The following LGR5 variants were observed in gnomAD, a reference collection of about 807,000 sequenced individuals.
LGR5 encodes the protein leucine-rich repeat-containing G protein-coupled receptor 5.
In LGR5, 54 loss-of-function variants were observed where a neutral mutation model predicts 76.7. The ratio of observed to expected loss-of-function variants is 0.70; its 90% CI spans 0.57 to 0.88. The LOEUF (loss-of-function observed/expected upper bound fraction) is 0.88. Among genes scored for constraint, LGR5 ranks in the 40% least tolerant of loss-of-function variants. The pLI, the probability that LGR5 is intolerant of heterozygous loss-of-function variation, is 0.00. For missense variants in LGR5, 1,078 were observed against 1,073.3 expected (o/e 1.00, Z -0.06); for synonymous variants, 406 against 421.9 (o/e 0.96, Z 0.46).
chr12:71,551,387 C>A, intron 4 of LGR5, among the ~76,000 whole-genome samples: 1 of 152,210 alleles, frequency 6.6e-6, no homozygotes, highest in East Asian at 1.9e-4. Context: ...TCCTGGTGTG[C>A]TTCCTGCATC....
chr12:71,504,624 A>G lies in LGR5; in HGVS notation c.223A>G (p.Met75Val), dbSNP rs764346723. The change falls in exon 2 of 18, where the codon ATG becomes GTG. Residue 75 changes from methionine (M) to valine (V), a missense_variant. Physicochemically the swap from Met to Val is conservative, Grantham distance 21. Coordinates refer to ENST00000266674, the MANE Select transcript of LGR5 (RefSeq NM_003667.4). ...SVFTSYLDLS[M>V]NNISQLLPNP... ...TGTTTTCCCCCCCAGAGACCTCAGT[A>G]TGAACAACATCAGTCAGCTGCTCCC... 64 of 1,614,018 alleles carry G rather than the reference A, an allele frequency of 4.0e-5. 2 individuals are homozygous for G. The South Asian group carries it at 6.7e-4, about 17-fold the overall frequency.
At chr12:71,455,582 C>A (rs188464314) in intron 1 of LGR5, among the ~76,000 whole-genome samples, 1 of 152,288 alleles carries the variant, frequency 6.6e-6, no homozygotes, top group Non-Finnish European at 1.5e-5. Flanking sequence ...ATTAAATCAA[C>A]AAGCAGACCT....
intron 2 of LGR5, among the ~76,000 whole-genome samples, chr12:71,511,180 C>T (rs139091426): frequency 3.0e-3 from 452 of 152,250 alleles, no homozygotes; most frequent in Non-Finnish European, 4.4e-3. Flanking sequence ...GGTGTCTGGG[C>T]GAGAAACTCA....
chr12:71,571,714 G>A, intron 12 of LGR5, 135 bp downstream of exon 12: 2 of 637,258 alleles, frequency 3.1e-6, no homozygotes, highest in Non-Finnish European at 5.5e-6. Context: ...CACACAAGGT[G>A]TGACTGTGCA....
At chr12:71,567,475 A>C (rs1592553657) in intron 11 of LGR5, among the ~76,000 whole-genome samples, 1 of 152,000 alleles carries the variant, frequency 6.6e-6, no homozygotes, top group Non-Finnish European at 1.5e-5. Context: ...ATTCAAGGAG[A>C]CTTGTTTTGA....
intron 1 of LGR5, among the ~76,000 whole-genome samples, chr12:71,479,410 G>T (rs962910967): frequency 2.0e-5 from 3 of 152,286 alleles, no homozygotes; most frequent in Non-Finnish European, 4.4e-5. Context: ...CAATCAACTG[G>T]AGTATTTACT....
chr12:71,547,341 A>G (rs1269196292), intron 4 of LGR5, among the ~76,000 whole-genome samples: 1 of 152,184 alleles, frequency 6.6e-6, no homozygotes, highest in African/African-American at 2.4e-5. Flanking sequence ...AGATTAAAGA[A>G]TGTATGGTAA....
At chr12:71,552,542 G>A (rs1255935660) in intron 4 of LGR5, among the ~76,000 whole-genome samples, 1 of 149,992 alleles carries the variant, frequency 6.7e-6, no homozygotes, top group African/African-American at 2.5e-5. Context: ...TCCAGCCTGG[G>A]CGACAAGAGC....
chr12:71,566,540 A>G, intron 9 of LGR5, 65 bp downstream of exon 9: 3 of 1,527,498 alleles, frequency 2.0e-6, no homozygotes, highest in Non-Finnish European at 2.7e-6. Context: ...AACCAAATGA[A>G]TATTATAGGT....
intron 11 of LGR5, among the ~76,000 whole-genome samples, chr12:71,568,681 C>T (rs560432908): frequency 6.6e-6 from 1 of 152,302 alleles, no homozygotes; most frequent in East Asian, 1.9e-4. Flanking sequence ...GCTAGTGTAT[C>T]AACCAAGTAG....
intron 3 of LGR5, among the ~76,000 whole-genome samples, chr12:71,531,016 G>C (rs1053050555): frequency 2.8e-5 from 4 of 144,300 alleles, no homozygotes; most frequent in African/African-American, 1.0e-4. Context: ...AAAAAAAAGT[G>C]GGGGAGGGAC....
chr12:71,508,895 G>A (rs368928520), intron 2 of LGR5, among the ~76,000 whole-genome samples: 598 of 151,664 alleles, frequency 3.9e-3, no homozygotes, highest in Non-Finnish European at 7.4e-3. Flanking sequence ...TACCTATGCC[G>A]CAAGTTTTTG....
At chr12:71,551,193 G>A (rs1214344800) in intron 4 of LGR5, among the ~76,000 whole-genome samples, 1 of 152,178 alleles carries the variant, frequency 6.6e-6, no homozygotes, top group African/African-American at 2.4e-5. Context: ...GTGGCCCAAG[G>A]AGGGCCTTTG....
chr12:71,440,678 C>T lies in LGR5; in HGVS notation c.212+386C>T, dbSNP rs1871724249. Among the ~76,000 whole-genome samples, 1 of 152,180 alleles carries T rather than the reference C, an allele frequency of 6.6e-6. No individual in the cohort carries two copies. ...TGCCATCTGGTCCCCGCCCCAACCGCCTCTCTGCGTCTAGTCGCATTCCAC... is the reference window on the plus strand; with the variant it reads ...TGCCATCTGGTCCCCGCCCCAACCGTCTCTCTGCGTCTAGTCGCATTCCAC... On this transcript the variant is annotated intron_variant, in intron 1 of 17. Coordinates refer to ENST00000266674, the MANE Select transcript of LGR5 (RefSeq NM_003667.4). This position sits in a 1 kb window ranked among gnomAD's most constrained non-coding sequence, Gnocchi z 5.3.
At chr12:71,490,202 G>T (rs55646111) in intron 1 of LGR5, among the ~76,000 whole-genome samples, 7,099 of 151,738 alleles carry the variant, frequency 0.047, 213 homozygotes, top group Non-Finnish European at 0.07. Context: ...GCCTAGTTAA[G>T]AGAATATAAT....
rs779282038 is a variant in LGR5, at chr12:71,440,191, C to T, written c.111C>T (p.His37=). 14 of 1,612,522 alleles carry T rather than the reference C, an allele frequency of 8.7e-6. No homozygotes were observed. The South Asian group carries it at 1.2e-4, about 14-fold the overall frequency. ...TGTTGCTGAGGGGCTGCCCCACACA[C>T]TGTCATTGCGAGCCCGACGGCAGGA... is the stretch of plus-strand genomic sequence containing the variant. The part of the protein sequence containing the change: ...SGVLLRGCPT[H]CHCEPDGRML... The change falls in exon 1 of 18, where the codon CAC becomes CAT. Residue 37 remains histidine, a synonymous_variant. Transcript: ENST00000266674. This position sits in a 1 kb window ranked among gnomAD's most constrained non-coding sequence, Gnocchi z 5.3.
At chr12:71,554,099 A>G (rs1877640244) in intron 5 of LGR5, among the ~76,000 whole-genome samples, 1 of 152,218 alleles carries the variant, frequency 6.6e-6, no homozygotes. Flanking sequence ...AAGAAAAAAT[A>G]GTTTAGCACA....
At position 71,536,988 on chromosome 12, in the gene LGR5, A is replaced by G. The variant is rs78208560; in HGVS notation, c.428+1802A>G. ...TTGACACTGACCACATCCAAACTAA[A>G]GGATCTAGATAGATACTCGGCCCCC... On this transcript the variant is annotated intron_variant, in intron 4 of 17. Transcript: ENST00000266674. Among the ~76,000 whole-genome samples the G allele has an allele frequency of 1.3e-3, 200 of 152,310 alleles. No homozygotes were observed. In the Middle Eastern group the frequency reaches 0.014, roughly 10 times the overall value.
intron 2 of LGR5, among the ~76,000 whole-genome samples, chr12:71,513,861 G>T (rs749629522): frequency 1.3e-5 from 2 of 152,198 alleles, no homozygotes; most frequent in Non-Finnish European, 2.9e-5. Context: ...TGAAGCAACT[G>T]AGGCAGTATG....
Sources: allele counts gnomAD v4.1 joint callset (sites outside exome capture counted in the v4.1 genomes callset), GRCh38; gene constraint gnomAD v4.1.1; non-coding constraint Gnocchi (gnomAD v3.1); transcripts MANE v1.5; gene names NCBI Gene and HGNC (gene_info 2026-07-23, HGNC 2026-07-21).